PTPRD: variants seen among roughly 807,000 people sequenced by gnomAD.
PTPRD encodes protein tyrosine phosphatase receptor type D, also known as receptor-type tyrosine-protein phosphatase delta.
PTPRD carries 34 observed loss-of-function variants against 214.5 expected under a neutral mutation model. The observed-to-expected ratio is 0.16, with a 90% confidence interval of 0.12 to 0.21. The LOEUF (loss-of-function observed/expected upper bound fraction) is 0.21. Ranked by LOEUF, PTPRD falls within the 10% of genes least tolerant of loss-of-function variation. PTPRD has a pLI of 1.00. For synonymous variants in PTPRD, 1,128 were observed against 845.7 expected (o/e 1.33, Z -5.79); for missense variants, 2,545 against 2,398.7 (o/e 1.06, Z -1.27).
chr9:9,853,462 C>G (rs1179870475), intron 5 of PTPRD, among the ~76,000 whole-genome samples: 1 of 152,168 alleles, frequency 6.6e-6, no homozygotes, highest in African/African-American at 2.4e-5. Context: ...TTGCTAATGC[C>G]TAGCTCTACA....
At chr9:8,846,879 T>A (rs968142702) in intron 11 of PTPRD, among the ~76,000 whole-genome samples, 1 of 152,274 alleles carries the variant, frequency 6.6e-6, no homozygotes, top group East Asian at 1.9e-4. Context: ...ACTGAAATAT[T>A]TGAAAGCAAG....
At chr9:9,612,091 A>T (rs902223320) in intron 7 of PTPRD, among the ~76,000 whole-genome samples, 6 of 152,160 alleles carry the variant, frequency 3.9e-5, no homozygotes, top group African/African-American at 1.4e-4. Context: ...TTATCTATAT[A>T]TAATGAAAAT....
chr9:8,385,197 C>A (rs1021920135), intron 37 of PTPRD, among the ~76,000 whole-genome samples: 1 of 152,144 alleles, frequency 6.6e-6, no homozygotes, highest in Non-Finnish European at 1.5e-5. Flanking sequence ...TTAATACAAG[C>A]GCTGTTGATA....
At chr9:9,248,886 C>T (rs2099974184) in intron 9 of PTPRD, among the ~76,000 whole-genome samples, 1 of 152,038 alleles carries the variant, frequency 6.6e-6, no homozygotes, top group South Asian at 2.1e-4. Context: ...GAGATTTCTA[C>T]TCTAAAGAAT....
At chr9:8,553,087 G>T (rs528481063) in intron 14 of PTPRD, among the ~76,000 whole-genome samples, 1 of 152,118 alleles carries the variant, frequency 6.6e-6, no homozygotes. Flanking sequence ...ATGAAGAATC[G>T]TTAGAATGGC....
chr9:9,138,838 T>G (rs1052335005), intron 10 of PTPRD, among the ~76,000 whole-genome samples: 46 of 152,258 alleles, frequency 3.0e-4, no homozygotes, highest in Non-Finnish European at 5.0e-4. Flanking sequence ...AATTAGGCCC[T>G]TTTATGTTTA....
At chr9:9,136,659 T>G (rs762793432) in intron 10 of PTPRD, among the ~76,000 whole-genome samples, 1 of 152,190 alleles carries the variant, frequency 6.6e-6, no homozygotes, top group Non-Finnish European at 1.5e-5. Context: ...ACTGCAGTGT[T>G]TCCATGTAGT....
chr9:10,252,177 CTTCT>C, intron 3 of PTPRD, among the ~76,000 whole-genome samples: 1 of 138,014 alleles, frequency 7.2e-6, no homozygotes, highest in East Asian at 2.3e-4. Context: ...GAACCTATGT[CTTCT>C]TTCTTTGAAG....
intron 4 of PTPRD, among the ~76,000 whole-genome samples, chr9:10,010,756 T>C (rs1363741861): frequency 1.3e-5 from 2 of 151,988 alleles, no homozygotes; most frequent in Non-Finnish European, 2.9e-5. Context: ...TAGATCATTA[T>C]GGTAATGAGG....
intron 12 of PTPRD, chr9:8,713,456 C>G: frequency 9.0e-7 from 1 of 1,111,514 alleles, no homozygotes; most frequent in East Asian, 2.4e-5. Context: ...TACTTCGTAT[C>G]TCAGTTAAAG....
chr9:9,549,814 A>G (rs920965582), intron 8 of PTPRD, among the ~76,000 whole-genome samples: 22 of 152,224 alleles, frequency 1.4e-4, no homozygotes, highest in African/African-American at 5.3e-4. Flanking sequence ...TTAAATACAA[A>G]ACACAAAATA....
chr9:10,071,915 T>A (rs946045512), intron 3 of PTPRD, among the ~76,000 whole-genome samples: 11 of 152,048 alleles, frequency 7.2e-5, no homozygotes, highest in South Asian at 2.1e-4. Context: ...TTCGTTTTTT[T>A]AAAATAATTA....
intron 12 of PTPRD, among the ~76,000 whole-genome samples, chr9:8,679,580 T>C (rs902590565): frequency 1.3e-5 from 2 of 152,242 alleles, no homozygotes; most frequent in Admixed American, 6.5e-5. Context: ...TGCTAAATTA[T>C]CTTTTAAAAG....
chr9:10,111,544 T>G (rs2098692486), intron 3 of PTPRD, among the ~76,000 whole-genome samples: 1 of 152,148 alleles, frequency 6.6e-6, no homozygotes, highest in Non-Finnish European at 1.5e-5. Flanking sequence ...GGCCCCAGTT[T>G]AGTTTCTTAT....
At chr9:9,086,544 A>G (rs2099767296) in intron 10 of PTPRD, among the ~76,000 whole-genome samples, 1 of 152,102 alleles carries the variant, frequency 6.6e-6, no homozygotes, top group Non-Finnish European at 1.5e-5. Context: ...TGGATTCTCA[A>G]TTCTTGGCTG....
chr9:9,966,744 C>A (rs1188056133), intron 4 of PTPRD, among the ~76,000 whole-genome samples: 1 of 151,968 alleles, frequency 6.6e-6, no homozygotes, highest in Non-Finnish European at 1.5e-5. Context: ...GTTAACTGCT[C>A]CTGAGGAATC....
intron 2 of PTPRD, among the ~76,000 whole-genome samples, chr9:10,505,873 AT>A (rs58251527): frequency 0.64 from 96,552 of 151,902 alleles, 30,860 homozygotes; most frequent in South Asian, 0.74. Flanking sequence ...TTTAAGCAAT[AT>A]TTTAATTAGA....
At chr9:8,652,592 C>G (rs1052763039) in intron 12 of PTPRD, among the ~76,000 whole-genome samples, 2 of 152,206 alleles carry the variant, frequency 1.3e-5, no homozygotes, top group Non-Finnish European at 2.9e-5. Context: ...TTTAGGACCT[C>G]CTCCCAGGTT....
intron 11 of PTPRD, among the ~76,000 whole-genome samples, chr9:8,896,694 C>T (rs1341270010): frequency 2.6e-4 from 40 of 152,146 alleles, no homozygotes. Flanking sequence ...GGTTTAATTT[C>T]ATGATTCAAT....
Sources: gnomAD v4.1 joint callset for allele counts (sites outside exome capture counted in the v4.1 genomes callset) on GRCh38, gnomAD v4.1.1 for gene constraint, MANE v1.5 for transcripts, NCBI Gene and HGNC (gene_info 2026-07-23, HGNC 2026-07-21) for gene names.